CDS2: variants seen among roughly 807,000 people sequenced by gnomAD.
CDS2 encodes CDP-diacylglycerol synthase 2, also known as phosphatidate cytidylyltransferase 2.
Under a neutral mutation model 59.0 loss-of-function variants are expected in CDS2, and 47 were observed. That is an observed-to-expected ratio of 0.80 (90% CI 0.63 to 1.02). The LOEUF (loss-of-function observed/expected upper bound fraction) is 1.02, where lower values mean the gene tolerates loss of function less well. CDS2 is among the 50% of genes least tolerant of loss of function. The pLI is 0.00. For missense variants in CDS2, 356 were observed against 558.9 expected, an observed-to-expected ratio of 0.64 and a Z score of 3.66; for synonymous variants, 207 against 206.4, an observed-to-expected ratio of 1.00 and a Z score of -0.02.
At chr20:5,144,764 G>T (rs535383730) in intron 1 of CDS2, among the ~76,000 whole-genome samples, 2 of 152,284 alleles carry the variant, frequency 1.3e-5, no homozygotes, top group South Asian at 4.1e-4. Flanking sequence ...TGAAGTTTGT[G>T]TATTAACAAT....
chr20:5,154,584 G>A (rs778339453), intron 1 of CDS2, among the ~76,000 whole-genome samples: 21 of 140,148 alleles, frequency 1.5e-4, no homozygotes, highest in Non-Finnish European at 2.4e-4. Flanking sequence ...TGAAGTGCCA[G>A]TGTCTGAAGG....
chr20:5,142,188 C>T (rs1371034596), intron 1 of CDS2, among the ~76,000 whole-genome samples: 2 of 151,976 alleles, frequency 1.3e-5, no homozygotes, highest in East Asian at 1.9e-4. Flanking sequence ...GGCTCACATC[C>T]ATAATCCCAG....
At chr20:5,139,766 G>A (rs1012197127) in intron 1 of CDS2, among the ~76,000 whole-genome samples, 5 of 149,228 alleles carry the variant, frequency 3.4e-5, no homozygotes, top group African/African-American at 9.9e-5. Context: ...ATTGTGAACC[G>A]TTGTTGAATT....
At chr20:5,168,421 A>C (rs1484634961) in intron 1 of CDS2, among the ~76,000 whole-genome samples, 3 of 137,420 alleles carry the variant, frequency 2.2e-5, no homozygotes, top group Non-Finnish European at 3.2e-5. Flanking sequence ...TCCCCCCAAA[A>C]AAAAAAAAAA....
chr20:5,135,165 C>T (rs2090638766), intron 1 of CDS2, among the ~76,000 whole-genome samples: 1 of 152,126 alleles, frequency 6.6e-6, no homozygotes, highest in South Asian at 2.1e-4. Context: ...CTCCTGGGTT[C>T]AAGCGATCTT....
rs1156747533 is a variant in CDS2, at chr20:5,193,726, T to A, written c.*3492T>A. On this transcript the variant is annotated 3_prime_UTR_variant, in exon 13 of 13. Transcript: ENST00000460006. ...TAAGTGACTTGAGACAGAGTGTCCT[T>A]GCTCAGAAAACTGTGAAGCAGGGGT... 1 of 152,232 alleles carries A rather than the reference T, an allele frequency of 6.6e-6. No individual in the cohort carries two copies. The highest frequency in any genetic ancestry group is 1.5e-5 in the Non-Finnish European group (1 of 68,034). 9.4% of individuals were successfully genotyped at this position (152,232 alleles called of 1,614,324 possible).
intron 1 of CDS2, among the ~76,000 whole-genome samples, chr20:5,140,065 G>A (rs1175579087): frequency 2.6e-5 from 4 of 152,160 alleles, no homozygotes; most frequent in African/African-American, 7.2e-5. Context: ...GGTTCCCAAC[G>A]TGCTGGGATT....
chr20:5,142,352 C>T (rs1465861330), intron 1 of CDS2, among the ~76,000 whole-genome samples: 3 of 151,842 alleles, frequency 2.0e-5, no homozygotes, highest in Non-Finnish European at 2.9e-5. Context: ...GAGGTTGAGG[C>T]AGGATAATCG....
At chr20:5,136,754 C>G (rs1284788511) in intron 1 of CDS2, among the ~76,000 whole-genome samples, 1 of 152,084 alleles carries the variant, frequency 6.6e-6, no homozygotes, top group Non-Finnish European at 1.5e-5. Flanking sequence ...AATGCTTAAA[C>G]TTTAAGATCC....
chr20:5,188,950 A>G (rs992006166), intron 10 of CDS2, 117 bp from the exon 11 acceptor site: 4 of 1,275,268 alleles, frequency 3.1e-6, no homozygotes, highest in Non-Finnish European at 3.4e-6. Flanking sequence ...ACCTCCCACT[A>G]GGCATCACCT....
intron 1 of CDS2, among the ~76,000 whole-genome samples, chr20:5,148,137 A>G (rs7266704): frequency 0.027 from 4,062 of 152,286 alleles, 74 homozygotes; most frequent in East Asian, 0.081. Context: ...GGGCTGCTTT[A>G]ACAAGATGAC....
In CDS2 at chr20:5,194,974, T is replaced by G. The variant is rs1024809157; in HGVS notation, c.*4740T>G. ...GGTATTGTTGTCTCCATTTTATAGA[T>G]GAGGAAACTGAGGCAGTATGACTGA... On this transcript the variant is annotated 3_prime_UTR_variant, in exon 13 of 13. Transcript: ENST00000460006. 1.3e-5 allele frequency: 2 copies of G among 152,130 alleles called. No individual in the cohort carries two copies. Among genetic ancestry groups the G allele is most frequent in the African/African-American group, 4.8e-5 (2 of 41,414 alleles). The allele number at this position is 152,130 out of a possible 1,614,324, so 9.4% of individuals were successfully genotyped here.
At chr20:5,180,222 T>G (rs1353892638) in intron 5 of CDS2, among the ~76,000 whole-genome samples, 2 of 152,022 alleles carry the variant, frequency 1.3e-5, no homozygotes, top group Non-Finnish European at 2.9e-5. Context: ...GTGAGAGAGA[T>G]AAAAAGGTGG....
At chr20:5,156,154 G>A (rs1053536796) in intron 1 of CDS2, among the ~76,000 whole-genome samples, 3 of 152,174 alleles carry the variant, frequency 2.0e-5, no homozygotes, top group Non-Finnish European at 4.4e-5. Flanking sequence ...AGTAGTGAAG[G>A]GTTGATCTGC....
chr20:5,171,528 G>T (rs187063704), intron 1 of CDS2, among the ~76,000 whole-genome samples: 7 of 152,180 alleles, frequency 4.6e-5, no homozygotes, highest in Non-Finnish European at 8.8e-5. Context: ...AATGATTACC[G>T]TAATATTACT....
intron 2 of CDS2, among the ~76,000 whole-genome samples, chr20:5,174,012 A>G (rs962747422): frequency 3.3e-5 from 5 of 152,180 alleles, no homozygotes; most frequent in African/African-American, 1.2e-4. Flanking sequence ...GTTTGCGATT[A>G]ATGGGCAGGC....
rs1394315721 is a variant in CDS2, at chr20:5,184,567, TTC to T, written c.672-286_672-285del. Among the ~76,000 whole-genome samples the T allele has an allele frequency of 6.6e-6, 1 of 152,190 alleles. No homozygotes were observed. The highest frequency in any genetic ancestry group is 2.4e-5 in the African/African-American group (1 of 41,438). ...CTTTTTGTTCCTTTTACAATTAAAT[TTC>T]TCTCATTGTTTACGTATATTTCTTT... On this transcript the variant is annotated intron_variant, in intron 7 of 12. Transcript: ENST00000460006. The surrounding 1 kb of genome is among the most constrained non-coding windows in gnomAD (Gnocchi z 4.3).
At chr20:5,135,377 T>C (rs115741486) in intron 1 of CDS2, among the ~76,000 whole-genome samples, 2,592 of 152,284 alleles carry the variant, frequency 0.017, 73 homozygotes, top group African/African-American at 0.058. Flanking sequence ...TAAGCTACAT[T>C]CTATGTTGTT....
At chr20:5,175,160 C>T (rs1474277002) in intron 2 of CDS2, 23 bp from the exon 3 acceptor site, 2 of 1,586,142 alleles carry the variant, frequency 1.3e-6, no homozygotes, top group East Asian at 4.5e-5. Context: ...GGTGTTTTCT[C>T]CTTCCCCTGC....
Sources: gnomAD v4.1 joint callset for allele counts (sites outside exome capture counted in the v4.1 genomes callset) on GRCh38, gnomAD v4.1.1 for gene constraint, Gnocchi (gnomAD v3.1) non-coding constraint, MANE v1.5 for transcripts, NCBI Gene and HGNC (gene_info 2026-07-23, HGNC 2026-07-21) for gene names.